JADE1: variants seen among roughly 807,000 people sequenced by gnomAD.
JADE1 encodes the protein jade family PHD finger 1.
Under a neutral mutation model 81.8 loss-of-function variants are expected in JADE1, and 14 were observed. The observed-to-expected ratio is 0.17, with a 90% CI of 0.11 to 0.27. The LOEUF (loss-of-function observed/expected upper bound fraction) is 0.27, where lower values mean the gene tolerates loss of function less well. JADE1 is among the 10% of genes least tolerant of loss of function. The pLI is 1.00. For missense variants in JADE1, 690 were observed against 1,047.9 expected (o/e 0.66, Z 4.71); for synonymous variants, 353 against 391.9 (o/e 0.90, Z 1.17).
chr4:128,817,338 A>C (rs892214107), intron 1 of JADE1, among the ~76,000 whole-genome samples: 1 of 152,054 alleles, frequency 6.6e-6, no homozygotes, highest in Non-Finnish European at 1.5e-5. Flanking sequence ...TGGCTGGTGG[A>C]AGTAATATTT....
At chr4:128,859,282 G>C in intron 8 of JADE1, among the ~76,000 whole-genome samples, 1 of 151,122 alleles carries the variant, frequency 6.6e-6, no homozygotes, top group South Asian at 2.1e-4. Context: ...GTGTGCATGT[G>C]GTTATGTGTA....
rs577674494 is a variant in JADE1 at position 128,831,696 on chromosome 4, A to T, written c.-26-37A>T. 75 of 1,581,996 alleles carry T rather than the reference A, an allele frequency of 4.7e-5. No individual in the cohort carries two copies. In the East Asian group the frequency reaches 1.6e-3, roughly 34 times the overall value. On this transcript the variant is annotated intron_variant, in intron 1 of 10. Transcript: ENST00000226319. ...AAGCACAACTTGATGATTGTGTATT[A>T]TCATCTTGGGTTAAGTGCTGTCTCA...
chr4:128,862,256 C>T (rs1266556587), intron 9 of JADE1, 31 bp downstream of exon 9: 3 of 1,612,668 alleles, frequency 1.9e-6, no homozygotes, highest in Middle Eastern at 3.3e-4. Context: ...CTTATAGTGA[C>T]TTAGAGAAGA....
intron 2 of JADE1, among the ~76,000 whole-genome samples, chr4:128,836,995 C>T (rs1278567805): frequency 2.0e-5 from 3 of 152,164 alleles, no homozygotes; most frequent in African/African-American, 7.2e-5. Context: ...GGTCTCATTC[C>T]TTACTTCACA....
chr4:128,849,855 C>CTT (rs1278367112), intron 5 of JADE1, among the ~76,000 whole-genome samples: 1 of 152,064 alleles, frequency 6.6e-6, no homozygotes, highest in Non-Finnish European at 1.5e-5. Context: ...TAAGGGTTGC[C>CTT]TTGAGGGTCT....
rs757280048 is a variant in JADE1, at chr4:128,861,853, T to A, written c.1131T>A (p.Ser377Arg). The change falls in exon 9 of 11, where the codon AGT becomes AGA. Residue 377 changes from serine (S) to arginine (R), a missense_variant. By Grantham distance (110) the Ser-to-Arg change is moderately radical (BLOSUM62 -1). Around this residue, in one of 8 missense-constraint regions of JADE1, gnomAD observed 77 missense variants for 76.4 expected, o/e 1.01. Transcript: ENST00000226319. ...GCTCACATAGGAAACCCGAGGAGAGTCTTGGCAAGGGGGCTGCACAGGAGA... is the reference window on the plus strand; with the variant it reads ...GCTCACATAGGAAACCCGAGGAGAGACTTGGCAAGGGGGCTGCACAGGAGA... ...KHSSHRKPEE[S>R]LGKGAAQENG... 8 of 1,613,684 alleles carry A rather than the reference T, an allele frequency of 5.0e-6. No individual in the cohort carries two copies. The highest frequency in any genetic ancestry group is 6.8e-6 in the Non-Finnish European group (8 of 1,179,950).
intron 1 of JADE1, among the ~76,000 whole-genome samples, chr4:128,812,821 A>T (rs189649102): frequency 1.3e-5 from 2 of 152,182 alleles, no homozygotes; most frequent in African/African-American, 4.8e-5. Context: ...GTCGCCCTCT[A>T]TTTGCCCCGG....
Position 128,871,236 on chromosome 4 carries a change from G to C in JADE1, c.1622-119G>C, listed in dbSNP as rs1560784485. ...AATTTGTACAAACTTGGTGGTGTAA[G>C]TGTTGTGTTGTTGGGTGGGGAGTTC... is the stretch of plus-strand genomic sequence containing the variant. On this transcript the variant is annotated intron_variant, in intron 10 of 10. Transcript: ENST00000226319. This position sits in a 1 kb window ranked among gnomAD's most constrained non-coding sequence, Gnocchi z 4.1. 1 of 951,238 alleles carries C rather than the reference G, an allele frequency of 1.1e-6. No individual in the cohort carries two copies. The highest frequency in any genetic ancestry group is 1.6e-6 in the Non-Finnish European group (1 of 631,740). 58.9% of individuals were successfully genotyped at this position (951,238 alleles called of 1,614,324 possible).
At chr4:128,852,755 G>C (rs1730462521) in intron 6 of JADE1, among the ~76,000 whole-genome samples, 1 of 152,180 alleles carries the variant, frequency 6.6e-6, no homozygotes, top group African/African-American at 2.4e-5. Context: ...GTCCAGAATT[G>C]AGGTGGTGGC....
chr4:128,870,021 A>G (rs956212423), intron 10 of JADE1, among the ~76,000 whole-genome samples: 7 of 152,064 alleles, frequency 4.6e-5, no homozygotes, highest in Non-Finnish European at 8.8e-5. Flanking sequence ...CTCAGTGGCA[A>G]CAGTGCTTAT....
At chr4:128,822,580 G>C (rs898168363) in intron 1 of JADE1, among the ~76,000 whole-genome samples, 1 of 151,812 alleles carries the variant, frequency 6.6e-6, no homozygotes, top group Non-Finnish European at 1.5e-5. Flanking sequence ...TTAGCCGGGC[G>C]TGGTGGCACA....
intron 1 of JADE1, among the ~76,000 whole-genome samples, chr4:128,824,402 A>C (rs1250385131): frequency 2.0e-5 from 3 of 151,284 alleles, no homozygotes; most frequent in African/African-American, 7.3e-5. Context: ...TAGGTGACAG[A>C]GCGAGACTCC....
intron 8 of JADE1, among the ~76,000 whole-genome samples, chr4:128,859,545 G>T (rs1335119641): frequency 9.0e-6 from 1 of 111,218 alleles, no homozygotes; most frequent in East Asian, 3.2e-4. Context: ...GTATGCATGC[G>T]TGTATATGTG....
intron 1 of JADE1, among the ~76,000 whole-genome samples, chr4:128,819,914 A>C (rs1727402758): frequency 6.6e-6 from 1 of 152,176 alleles, no homozygotes; most frequent in Non-Finnish European, 1.5e-5. Context: ...CCCTCCACCC[A>C]CCTGGGGAAC....
At chr4:128,823,315 G>A (rs765108475) in intron 1 of JADE1, among the ~76,000 whole-genome samples, 6 of 152,174 alleles carry the variant, frequency 3.9e-5, no homozygotes, top group Non-Finnish European at 7.4e-5. Flanking sequence ...GATTCATTCA[G>A]AACCACTCAA....
chr4:128,825,169 A>G (rs533072209), intron 1 of JADE1, among the ~76,000 whole-genome samples: 3 of 152,190 alleles, frequency 2.0e-5, no homozygotes, highest in African/African-American at 7.2e-5. Flanking sequence ...CCTCTCAAGT[A>G]GCTGGAACAA....
At chr4:128,830,225 ATTG>A (rs202243755) in intron 1 of JADE1, among the ~76,000 whole-genome samples, 3,306 of 147,764 alleles carry the variant, frequency 0.022, 100 homozygotes, top group African/African-American at 0.074. Context: ...CCCCACTTCT[ATTG>A]TTGTGTGTAT....
chr4:128,814,044 G>GAA (rs367892292), intron 1 of JADE1, among the ~76,000 whole-genome samples: 2 of 140,504 alleles, frequency 1.4e-5, no homozygotes, highest in African/African-American at 5.2e-5. Flanking sequence ...TCATTTAAAA[G>GAA]AAAAAAAAAA....
intron 8 of JADE1, among the ~76,000 whole-genome samples, chr4:128,860,349 CCTCTT>C (rs771239461): frequency 9.9e-5 from 15 of 152,134 alleles, no homozygotes; most frequent in Non-Finnish European, 2.9e-5. Context: ...TGGATTTTCT[CCTCTT>C]CTCAGTAAAA....
Sources: allele counts gnomAD v4.1 joint callset (sites outside exome capture counted in the v4.1 genomes callset), GRCh38; gene constraint gnomAD v4.1.1; regional missense constraint gnomAD v4.1.1; non-coding constraint Gnocchi (gnomAD v3.1); transcripts MANE v1.5; gene names NCBI Gene and HGNC (gene_info 2026-07-23, HGNC 2026-07-21).